IQCJ: variants seen among roughly 807,000 people sequenced by gnomAD.
IQCJ encodes the protein IQ motif containing J.
A neutral mutation model predicts 11.0 loss-of-function variants in IQCJ; 9 were observed. The observed-to-expected ratio is 0.82, with a 90% CI of 0.49 to 1.43. The LOEUF is 1.43. Ranked by LOEUF, IQCJ falls within the 40% of genes most tolerant of loss-of-function variation. The probability of loss-of-function intolerance (pLI) is 0.00; values close to 1 mark genes in which losing one functional copy is unlikely to be tolerated. For synonymous variants in IQCJ, 55 were observed against 51.3 expected (o/e 1.07, Z -0.31); for missense variants, 146 against 133.2 (o/e 1.10, Z -0.47).
At position 159,245,964 on chromosome 3, in the gene IQCJ, G is replaced by C. The variant is rs986933424; in HGVS notation, c.74+57G>C. ...CAAGGTTGGAAAGCTTGAGTAAAAA[G>C]AAAATCTTTCTGGTAAAAATAAGTA... On this transcript the variant is annotated intron_variant, in intron 2 of 3. Coordinates refer to ENST00000397832, the MANE Select transcript of IQCJ (RefSeq NM_001042706.3). 10 of 1,329,884 alleles carry C rather than the reference G, an allele frequency of 7.5e-6. No homozygotes were observed. In the South Asian group the frequency reaches 1.1e-4, roughly 14 times the overall value. The allele number at this position is 1,329,884 out of a possible 1,614,324, so 82.4% of individuals were successfully genotyped here.
chr3:159,212,964 T>G (rs1725033160), intron 1 of IQCJ, among the ~76,000 whole-genome samples: 1 of 152,192 alleles, frequency 6.6e-6, no homozygotes, highest in South Asian at 2.1e-4. Context: ...TTTTCTTTCT[T>G]TCTTTTTTTC....
chr3:159,105,259 C>T (rs1326700534), intron 1 of IQCJ, among the ~76,000 whole-genome samples: 1 of 152,194 alleles, frequency 6.6e-6, no homozygotes, highest in African/African-American at 2.4e-5. Flanking sequence ...ATATTTTAGA[C>T]TCAGAAGCCT....
chr3:159,217,511 GGA>G (rs1461558059), intron 1 of IQCJ, among the ~76,000 whole-genome samples: 1 of 151,924 alleles, frequency 6.6e-6, no homozygotes, highest in African/African-American at 2.4e-5. Flanking sequence ...TTATTATTTG[GGA>G]ATAATAATCT....
chr3:159,247,244 G>A (rs1162903775), intron 2 of IQCJ, among the ~76,000 whole-genome samples: 3 of 152,024 alleles, frequency 2.0e-5, no homozygotes, highest in Admixed American at 6.5e-5. Context: ...TTACAGGCAC[G>A]TGCCACCACG....
chr3:159,244,409 T>G (rs558868470), intron 1 of IQCJ, among the ~76,000 whole-genome samples: 1 of 151,888 alleles, frequency 6.6e-6, no homozygotes, highest in Non-Finnish European at 1.5e-5. Flanking sequence ...ATGTAGCACG[T>G]GGGGAAGAAA....
chr3:159,177,268 C>T (rs1029469198), intron 1 of IQCJ, among the ~76,000 whole-genome samples: 5 of 152,096 alleles, frequency 3.3e-5, no homozygotes, highest in African/African-American at 1.2e-4. Context: ...ACTGGGTGTG[C>T]CCTCTTCTTT....
rs538915986 is a variant in IQCJ at position 159,166,561 on chromosome 3, A to G, written c.10-79282A>G. 8.4e-4 allele frequency among the ~76,000 whole-genome samples: 128 copies of G among 152,314 alleles called. 1 individual carries two copies. The highest frequency in any genetic ancestry group is 2.9e-3 in the African/African-American group (121 of 41,566). On this transcript the variant is annotated intron_variant, in intron 1 of 3. Coordinates refer to ENST00000397832, the MANE Select transcript of IQCJ (RefSeq NM_001042706.3). ...TAACACTAGCTCCTTTACTCCCCCAAATAAATTAAGTGATTTAATATAAAA... is the reference window on the plus strand; with the variant it reads ...TAACACTAGCTCCTTTACTCCCCCAGATAAATTAAGTGATTTAATATAAAA...
chr3:159,245,434 T>A (rs927990662), intron 1 of IQCJ, among the ~76,000 whole-genome samples: 11 of 151,488 alleles, frequency 7.3e-5, no homozygotes, highest in Non-Finnish European at 1.3e-4. Context: ...GTTTAAACAC[T>A]TAACCATCAC....
chr3:159,264,055 A>C (rs901113157), downstream of IQCJ, among the ~76,000 whole-genome samples: 1 of 152,230 alleles, frequency 6.6e-6, no homozygotes, highest in Non-Finnish European at 1.5e-5. Flanking sequence ...GCCAATAGAA[A>C]GTGCAAATTA....
chr3:159,246,091 A>T (rs2595234), intron 2 of IQCJ, among the ~76,000 whole-genome samples, 184 bp downstream of exon 2: 109,202 of 151,468 alleles, frequency 0.72, 39,917 homozygotes, highest in African/African-American at 0.76. Flanking sequence ...TGAGCAATGA[A>T]AAACAAGCTC....
chr3:159,182,106 C>T (rs1174090139), intron 1 of IQCJ, among the ~76,000 whole-genome samples: 1 of 151,908 alleles, frequency 6.6e-6, no homozygotes, highest in Non-Finnish European at 1.5e-5. Flanking sequence ...CAACAAATGC[C>T]TTACCTCAGT....
At chr3:159,140,169 C>T (rs1468395204) in intron 1 of IQCJ, among the ~76,000 whole-genome samples, 2 of 152,114 alleles carry the variant, frequency 1.3e-5, no homozygotes, top group East Asian at 3.9e-4. Context: ...ACACAAAGTC[C>T]ATAGTTTACA....
At chr3:159,136,514 C>T (rs896366953) in intron 1 of IQCJ, among the ~76,000 whole-genome samples, 23 of 152,128 alleles carry the variant, frequency 1.5e-4, no homozygotes, top group Non-Finnish European at 1.9e-4. Flanking sequence ...GCTATAACAA[C>T]GCCATAAACT....
intron 1 of IQCJ, among the ~76,000 whole-genome samples, chr3:159,168,182 C>A (rs954870034): frequency 2.6e-5 from 4 of 152,194 alleles, no homozygotes; most frequent in Non-Finnish European, 5.9e-5. Flanking sequence ...TGCTAGGGAT[C>A]CGGCCTTTAC....
Position 159,095,159 on chromosome 3 carries a change from C to A in IQCJ, c.9+25718C>A, listed in dbSNP as rs1183930911. On this transcript the variant is annotated intron_variant, in intron 1 of 3. Coordinates refer to ENST00000397832, the MANE Select transcript of IQCJ (RefSeq NM_001042706.3). ...ATTGCACAATTCTTACTCTAAAATA[C>A]CCTTATACCTTAGAAGTTGGCAAAC... is the stretch of plus-strand genomic sequence containing the variant. 1.3e-5 allele frequency among the ~76,000 whole-genome samples: 2 copies of A among 151,734 alleles called. 1 individual carries two copies. The highest frequency in any genetic ancestry group is 4.9e-5 in the African/African-American group (2 of 41,072).
chr3:159,104,463 G>C (rs1455332410), intron 1 of IQCJ, among the ~76,000 whole-genome samples: 1 of 152,174 alleles, frequency 6.6e-6, no homozygotes, highest in Non-Finnish European at 1.5e-5. Flanking sequence ...GTGTTAATGT[G>C]CTATAGTTCT....
At chr3:159,105,000 G>A (rs1718163571) in intron 1 of IQCJ, among the ~76,000 whole-genome samples, 1 of 152,130 alleles carries the variant, frequency 6.6e-6, no homozygotes, top group Non-Finnish European at 1.5e-5. Flanking sequence ...CCAATGTCTG[G>A]AACATAGTAG....
At chr3:159,123,365 C>T (rs1045206512) in intron 1 of IQCJ, among the ~76,000 whole-genome samples, 2 of 152,140 alleles carry the variant, frequency 1.3e-5, no homozygotes, top group African/African-American at 2.4e-5. Context: ...GAAGAATTCA[C>T]ACTGCCCACA....
At chr3:159,085,716 C>T (rs1412100242) in intron 1 of IQCJ, among the ~76,000 whole-genome samples, 1 of 150,902 alleles carries the variant, frequency 6.6e-6, no homozygotes, top group African/African-American at 2.4e-5. Flanking sequence ...TAAATGTCTT[C>T]TTTTGAGAAG....
Sources: allele counts gnomAD v4.1 joint callset (sites outside exome capture counted in the v4.1 genomes callset), GRCh38; gene constraint gnomAD v4.1.1; transcripts MANE v1.5; gene names NCBI Gene and HGNC (gene_info 2026-07-23, HGNC 2026-07-21).